Variants in NRCAM observed in about 807,000 individuals in gnomAD.
NRCAM encodes neuronal cell adhesion molecule, also known as NgCAM-related cell adhesion molecule.
NRCAM carries 83 observed loss-of-function variants against 156.5 expected under a neutral mutation model. That is an observed-to-expected ratio of 0.53 (90% CI 0.44 to 0.64). NRCAM has a LOEUF of 0.64. Ranked by LOEUF, NRCAM falls within the 30% of genes least tolerant of loss-of-function variation. NRCAM has a pLI of 0.00. For missense variants in NRCAM, 1,417 were observed against 1,597.3 expected (o/e 0.89, Z 1.92); for synonymous variants, 538 against 563.9 (o/e 0.95, Z 0.65).
chr7:108,423,715 T>C (rs1026193228), intron 1 of NRCAM, among the ~76,000 whole-genome samples: 1 of 152,242 alleles, frequency 6.6e-6, no homozygotes, highest in Admixed American at 6.5e-5. Flanking sequence ...CTTCATGACC[T>C]TCTTAAACAG....
At chr7:108,177,853 C>G (rs571612132) in intron 26 of NRCAM, 137 bp downstream of exon 26, 186 of 609,094 alleles carry the variant, frequency 3.1e-4, no homozygotes, top group African/African-American at 1.3e-3. Flanking sequence ...GATGAATATG[C>G]GAATTCCCCT....
chr7:108,338,643 A>T (rs1009791491), intron 2 of NRCAM, among the ~76,000 whole-genome samples: 4 of 152,052 alleles, frequency 2.6e-5, no homozygotes, highest in Admixed American at 2.6e-4. Context: ...AGAGACACAG[A>T]GAGGAGAAAG....
intron 1 of NRCAM, among the ~76,000 whole-genome samples, chr7:108,421,797 T>C (rs1340878654): frequency 1.3e-5 from 2 of 152,182 alleles, no homozygotes; most frequent in Non-Finnish European, 2.9e-5. Context: ...CTGACCAAAC[T>C]GCACAGTTTA....
In NRCAM at chr7:108,194,106, C is replaced by T; in HGVS notation, c.1696G>A (p.Glu566Lys). Residue 566 changes from glutamate (E) to lysine (K), a missense_variant, in exon 17 of 33, where the codon GAA becomes AAA. Transcript: ENST00000379028. ...VVQRGSMVSF[E>K]CKVKHDHTLS... ...GTGTGATCATGTTTCACTTTGCATT[C>T]AAAGGACACCATGCTCCCTCTTTGC... is the stretch of plus-strand genomic sequence containing the variant. The T allele has an allele frequency of 6.2e-7, 1 of 1,614,148 alleles. No individual in the cohort carries two copies. The highest frequency in any genetic ancestry group is 8.5e-7 in the Non-Finnish European group (1 of 1,179,972).
chr7:108,362,607 T>A (rs2099564966), intron 2 of NRCAM, among the ~76,000 whole-genome samples: 4 of 152,182 alleles, frequency 2.6e-5, no homozygotes, highest in African/African-American at 9.7e-5. Flanking sequence ...ATTGGACAGT[T>A]AAGTACATGG....
In NRCAM at chr7:108,300,160, C is replaced by CTTTTTTTT. The variant is rs10665036; in HGVS notation, c.-107+12497_-107+12504dup. ...TAATCCTTCCCCAAATTTCTGTTGA[C>CTTTTTTTT]TTTTTTTTTTTTTTTTTTTTTTTTT... On this transcript the variant is annotated intron_variant, in intron 3 of 32. Transcript: ENST00000379028. Among the ~76,000 whole-genome samples the CTTTTTTTT allele has an allele frequency of 9.7e-4, 64 of 65,864 alleles. 4 individuals carry two copies. The highest frequency in any genetic ancestry group is 3.5e-3 in the African/African-American group (61 of 17,664). 43.2% of individuals were successfully genotyped at this position (65,864 alleles called of 152,430 possible). A position where few individuals can be genotyped will look rare whatever the true frequency, so the allele number is the denominator to read the frequency against.
intron 25 of NRCAM, among the ~76,000 whole-genome samples, chr7:108,179,688 T>A (rs2062460062): frequency 6.6e-6 from 1 of 152,138 alleles, no homozygotes; most frequent in African/African-American, 2.4e-5. Context: ...CTGCAATGAC[T>A]TTTCCCTCCT....
intron 2 of NRCAM, among the ~76,000 whole-genome samples, chr7:108,377,655 C>T (rs577860279): frequency 6.6e-6 from 1 of 152,196 alleles, no homozygotes; most frequent in East Asian, 1.9e-4. Context: ...AGAGTGCCAT[C>T]CTCTCTCATT....
intron 1 of NRCAM, among the ~76,000 whole-genome samples, chr7:108,441,932 T>C (rs1459847729): frequency 6.6e-6 from 1 of 152,164 alleles, no homozygotes; most frequent in Non-Finnish European, 1.5e-5. Flanking sequence ...ATATAAAGGG[T>C]TTTTGTGAAG....
chr7:108,152,577 T>A (rs976846882), intron 32 of NRCAM, among the ~76,000 whole-genome samples: 2 of 152,098 alleles, frequency 1.3e-5, no homozygotes, highest in African/African-American at 4.8e-5. Context: ...TGACTTATAT[T>A]TTAAAAGCAC....
intron 2 of NRCAM, among the ~76,000 whole-genome samples, chr7:108,398,524 C>A (rs2099783317): frequency 6.6e-6 from 1 of 152,118 alleles, no homozygotes; most frequent in South Asian, 2.1e-4. Context: ...GCTTCCTGCT[C>A]ACCTTCCTTT....
chr7:108,375,271 C>T (rs1347601622), intron 2 of NRCAM, among the ~76,000 whole-genome samples: 2 of 152,072 alleles, frequency 1.3e-5, no homozygotes, highest in African/African-American at 2.4e-5. Context: ...TATTTGAATA[C>T]TGAATGAATC....
chr7:108,328,969 G>C (rs891263073), intron 2 of NRCAM, among the ~76,000 whole-genome samples: 3 of 152,146 alleles, frequency 2.0e-5, no homozygotes, highest in African/African-American at 7.2e-5. Flanking sequence ...ATAGATGGTA[G>C]AACTTGCTGT....
In NRCAM at chr7:108,231,119, T is replaced by A; in HGVS notation, c.462A>T (p.Pro154=). ...AAGACTGACCACTTTGAAGTGTGAT[T>A]GGTTCAAGTTTTTCTTTGGTCCACA... ...SPLWTKEKLE[P]ITLQSGQSLV... The change falls in exon 8 of 33, where the codon CCA becomes CCT. Residue 154 remains proline (P), a synonymous_variant. Coordinates refer to ENST00000379028, the MANE Select transcript of NRCAM (RefSeq NM_001037132.4). 1 of 1,605,544 alleles carries A rather than the reference T, an allele frequency of 6.2e-7. No individual in the cohort carries two copies. Among genetic ancestry groups the A allele is most frequent in the Non-Finnish European group, 8.5e-7 (1 of 1,176,718 alleles).
intron 3 of NRCAM, among the ~76,000 whole-genome samples, chr7:108,258,641 G>A (rs1242491469): frequency 6.6e-6 from 1 of 152,176 alleles, no homozygotes; most frequent in Non-Finnish European, 1.5e-5. Context: ...TGTTCAACAA[G>A]CTCTGTGTGC....
chr7:108,416,540 C>T (rs149275485), intron 1 of NRCAM, among the ~76,000 whole-genome samples: 29 of 152,032 alleles, frequency 1.9e-4, no homozygotes, highest in African/African-American at 6.8e-4. Flanking sequence ...TTTTTAATTT[C>T]ATTTGATGTC....
intron 3 of NRCAM, among the ~76,000 whole-genome samples, chr7:108,249,135 G>A (rs571775739): frequency 6.6e-6 from 1 of 152,232 alleles, no homozygotes; most frequent in Admixed American, 6.5e-5. Flanking sequence ...CAAACCCAAA[G>A]GGCATCACTC....
At chr7:108,216,921 C>T (rs1399628040) in intron 11 of NRCAM, among the ~76,000 whole-genome samples, 2 of 152,140 alleles carry the variant, frequency 1.3e-5, no homozygotes, top group African/African-American at 4.8e-5. Context: ...TCTGTCAATT[C>T]GTCAAACTCA....
chr7:108,284,677 C>A (rs2098011237), intron 3 of NRCAM, among the ~76,000 whole-genome samples: 1 of 152,170 alleles, frequency 6.6e-6, no homozygotes, highest in African/African-American at 2.4e-5. Context: ...TGTTCTTCCT[C>A]TGTGCCCAAC....
Sources: allele counts gnomAD v4.1 joint callset (sites outside exome capture counted in the v4.1 genomes callset), GRCh38; gene constraint gnomAD v4.1.1; transcripts MANE v1.5; gene names NCBI Gene and HGNC (gene_info 2026-07-23, HGNC 2026-07-21).